Variants in GBF1 observed in about 807,000 individuals in gnomAD.
GBF1 encodes Golgi-specific brefeldin A-resistance guanine nucleotide exchange factor 1.
A neutral mutation model predicts 210.5 loss-of-function variants in GBF1; 114 were observed. The ratio of observed to expected loss-of-function variants is 0.54; its 90% confidence interval spans 0.47 to 0.63. GBF1 has a LOEUF of 0.63. Ranked by LOEUF, GBF1 falls within the 30% of genes least tolerant of loss-of-function variation. The pLI is 0.00. For missense variants in GBF1, 1,851 were observed against 2,357.7 expected (o/e 0.79, Z 4.45); for synonymous variants, 850 against 889.2 (o/e 0.96, Z 0.78).
Position 102,370,468 on chromosome 10 carries a change from T to C in GBF1, c.3496T>C (p.Leu1166=), listed in dbSNP as rs748235413. 6.2e-7 allele frequency: 1 copy of C among 1,610,812 alleles called. No individual in the cohort carries two copies. The highest frequency in any genetic ancestry group is 1.3e-5 in the African/African-American group (1 of 74,964). Residue 1166 remains leucine (L), a synonymous_variant, in exon 28 of 40, where the codon TTG becomes CTG. Coordinates refer to ENST00000369983, the MANE Select transcript of GBF1 (RefSeq NM_001377137.1). ...CCTAGAGATGCTGCTAAGGATTGTG[T>C]TGGAGAACAGGTAAGATGAGCGTAG... The part of the protein sequence containing the change: ...FCLEMLLRIV[L]ENRDRVGCVW...
chr10:102,291,454 G>C (rs562728681), intron 3 of GBF1, among the ~76,000 whole-genome samples: 1 of 152,228 alleles, frequency 6.6e-6, no homozygotes, highest in South Asian at 2.1e-4. Flanking sequence ...TTTGTACTTT[G>C]AAATAGGAAT....
chr10:102,231,706 T>G, the GBF1 span: 1 of 1,609,796 alleles, frequency 6.2e-7, no homozygotes, highest in Non-Finnish European at 8.5e-7. Flanking sequence ...GCTGGTGAAG[T>G]GCGTGCGCTG....
chr10:102,244,175 A>G (rs1228212686), upstream of GBF1, among the ~76,000 whole-genome samples: 1 of 152,156 alleles, frequency 6.6e-6, no homozygotes, highest in Non-Finnish European at 1.5e-5. Context: ...AAAACAAAAA[A>G]ATAGCGCATC....
At chr10:102,376,894 A>G (rs2060532518) in intron 32 of GBF1, 41 bp from the exon 33 acceptor site, 1 of 1,606,680 alleles carries the variant, frequency 6.2e-7, no homozygotes, top group Non-Finnish European at 8.5e-7. Context: ...ATCTATGCCT[A>G]TATAGACACA....
chr10:102,282,230 C>T (rs909065976), intron 3 of GBF1, among the ~76,000 whole-genome samples: 2 of 152,080 alleles, frequency 1.3e-5, no homozygotes, highest in South Asian at 2.1e-4. Context: ...CCACCGCGCC[C>T]GGCCGCCTGT....
chr10:102,368,989 A>G (rs1166207374), intron 23 of GBF1, among the ~76,000 whole-genome samples, 157 bp downstream of exon 23: 1 of 152,040 alleles, frequency 6.6e-6, no homozygotes, highest in Non-Finnish European at 1.5e-5. Flanking sequence ...TGTCTTGCAC[A>G]CTCTGGGATA....
At chr10:102,295,800 G>A (rs1461430021) in intron 3 of GBF1, among the ~76,000 whole-genome samples, 2 of 152,142 alleles carry the variant, frequency 1.3e-5, no homozygotes, top group East Asian at 3.8e-4. Flanking sequence ...CAGATTAAGC[G>A]AGAATAGAGG....
chr10:102,267,945 T>A (rs541252020), intron 3 of GBF1, among the ~76,000 whole-genome samples: 3 of 152,204 alleles, frequency 2.0e-5, no homozygotes, highest in Non-Finnish European at 4.4e-5. Flanking sequence ...GTAACTTGAG[T>A]GGCCACAGAC....
Position 102,258,991 on chromosome 10 carries a change from G to A in GBF1, c.53G>A (p.Gly18Glu). 6.2e-7 allele frequency: 1 copy of A among 1,609,420 alleles called. No homozygotes were observed. ...CAAGGGGAGATTAACATTGTGGTTG[G>A]GGCCATCAAACGAAATGCCCGATGG... ...IIQGEINIVV[G>E]AIKRNARWST... Residue 18 changes from glycine to glutamate, a missense_variant, in exon 2 of 40, where the codon GGG (glycine) becomes GAG (glutamate). Physicochemically the swap from Gly to Glu is moderately conservative, Grantham distance 98. Around this residue, in one of 3 missense-constraint regions of GBF1, gnomAD observed 804 missense variants for 958.6 expected, o/e 0.84. Coordinates refer to ENST00000369983, the MANE Select transcript of GBF1 (RefSeq NM_001377137.1).
At chr10:102,355,656 A>G (rs1036220705) in intron 8 of GBF1, among the ~76,000 whole-genome samples, 2 of 152,210 alleles carry the variant, frequency 1.3e-5, no homozygotes, top group African/African-American at 4.8e-5. Context: ...TGAAAAACTG[A>G]TCCTCGTATG....
In GBF1 at chr10:102,315,040, T is replaced by C. The variant is rs117775016; in HGVS notation, c.164-29011T>C. On this transcript the variant is annotated intron_variant, in intron 3 of 39. Coordinates refer to ENST00000369983, the MANE Select transcript of GBF1 (RefSeq NM_001377137.1). ...CTGGCCAACAGCCACTGGTCACATA[T>C]GGGGGGACCTTCTGTTCAGGTGCTG... Among the ~76,000 whole-genome samples the C allele has an allele frequency of 3.0e-4, 45 of 152,320 alleles. No homozygotes were observed. In the East Asian group the frequency reaches 8.5e-3, roughly 29 times the overall value.
chr10:102,326,196 G>A (rs996718157), intron 3 of GBF1, among the ~76,000 whole-genome samples: 2 of 152,110 alleles, frequency 1.3e-5, no homozygotes, highest in Non-Finnish European at 2.9e-5. Flanking sequence ...GCAAGTTTAC[G>A]CCAAGTATGT....
chr10:102,293,769 G>GTTTT (rs2076658017), intron 3 of GBF1, among the ~76,000 whole-genome samples: 1 of 27,770 alleles, frequency 3.6e-5, no homozygotes, highest in Admixed American at 4.9e-4. Flanking sequence ...AGTATGTTTT[G>GTTTT]TGTTTTTTTT....
At chr10:102,353,005 A>AG (rs1488045778) in intron 7 of GBF1, among the ~76,000 whole-genome samples, 1 of 152,190 alleles carries the variant, frequency 6.6e-6, no homozygotes, top group Non-Finnish European at 1.5e-5. Flanking sequence ...CCTAGGGCCT[A>AG]GGAGGCCTTT....
chr10:102,380,220 C>G, intron 36 of GBF1, 29 bp from the exon 37 acceptor site: 1 of 1,487,506 alleles, frequency 6.7e-7, no homozygotes. Context: ...CTACAGTCCC[C>G]TCAGCTGAAG....
intron 3 of GBF1, among the ~76,000 whole-genome samples, chr10:102,275,011 CTTT>C (rs55784094): frequency 6.4e-5 from 8 of 124,780 alleles, no homozygotes; most frequent in Admixed American, 7.9e-5. Context: ...CGCGCCAGGA[CTTT>C]TTTTTTTTTT....
In GBF1 at chr10:102,375,578, G is replaced by C. The variant is rs1279317581; in HGVS notation, c.3880G>C (p.Asp1294His). Reference protein sequence around the residue: ...LQATARADAPDAGAQSDSELP... With the variant: ...LQATARADAPHAGAQSDSELP... ...GGCCACAGCCAGGGCAGATGCACCT[G>C]ATGCCGGTAAGCCCTTTCCCAGGGA... The change falls in exon 30 of 40, where the codon GAT (aspartate) becomes CAT (histidine). Residue 1294 changes from aspartate (D) to histidine (H), a missense_variant. By Grantham distance (81) the Asp-to-His change is moderately conservative. This residue lies in a region of GBF1 where 967 missense variants were observed against 1,247.7 expected (regional missense o/e 0.78). Transcript: ENST00000369983. The C allele has an allele frequency of 6.2e-7, 1 of 1,606,150 alleles. No homozygotes were observed.
chr10:102,325,273 G>T (rs1160270747), intron 3 of GBF1, among the ~76,000 whole-genome samples: 2 of 152,108 alleles, frequency 1.3e-5, no homozygotes, highest in Admixed American at 1.3e-4. Flanking sequence ...GAAGGGCTGG[G>T]CCCAGTGGCT....
chr10:102,375,692 C>T, intron 30 of GBF1, 108 bp downstream of exon 30: 1 of 704,442 alleles, frequency 1.4e-6, no homozygotes, highest in South Asian at 1.7e-5. Context: ...ATTAAACAGC[C>T]CTGGCTCCTG....
Sources: allele counts gnomAD v4.1 joint callset (sites outside exome capture counted in the v4.1 genomes callset), GRCh38; gene constraint gnomAD v4.1.1; regional missense constraint gnomAD v4.1.1; transcripts MANE v1.5; gene names NCBI Gene and HGNC (gene_info 2026-07-23, HGNC 2026-07-21).